The following CELA2B variants were observed in gnomAD, a reference collection of about 807,000 sequenced individuals.
CELA2B encodes chymotrypsin-like elastase family member 2B.
CELA2B carries 27 observed loss-of-function variants against 36.5 expected under a neutral mutation model. The ratio of observed to expected loss-of-function variants is 0.74; its 90% confidence interval spans 0.55 to 1.02. The LOEUF is 1.02. Ranked by LOEUF, CELA2B falls within the 50% of genes least tolerant of loss-of-function variation. The pLI, the probability that CELA2B is intolerant of heterozygous loss-of-function variation, is 0.00. For synonymous variants in CELA2B, 143 were observed against 148.5 expected, an observed-to-expected ratio of 0.96 and a Z score of 0.27; for missense variants, 340 against 347.8, an observed-to-expected ratio of 0.98 and a Z score of 0.18.
intron 7 of CELA2B, among the ~76,000 whole-genome samples, chr1:15,490,230 A>ATCTATCTG (rs1708862261): frequency 7.3e-6 from 1 of 136,654 alleles, no homozygotes; most frequent in African/African-American, 2.9e-5. Context: ...ATATCTATCT[A>ATCTATCTG]TCTATCTATC....
intron 7 of CELA2B, 118 bp downstream of exon 7, chr1:15,487,555 C>G (rs1411675316): frequency 1.4e-6 from 2 of 1,382,600 alleles, no homozygotes; most frequent in African/African-American, 2.9e-5. Context: ...TAGATGGGAA[C>G]CCCTTGGAGG....
intron 2 of CELA2B, among the ~76,000 whole-genome samples, chr1:15,479,504 C>T (rs1708715813): frequency 6.6e-6 from 1 of 152,170 alleles, no homozygotes; most frequent in Non-Finnish European, 1.5e-5. Flanking sequence ...CAATATCGTG[C>T]CACTGCACTC....
chr1:15,486,171 G>C, intron 6 of CELA2B, 125 bp downstream of exon 6: 1 of 1,237,066 alleles, frequency 8.1e-7, no homozygotes, highest in Non-Finnish European at 1.1e-6. Context: ...CCCGGAAATG[G>C]TACCAGATAT....
At chr1:15,480,719 TG>T (rs1708729729) in intron 2 of CELA2B, among the ~76,000 whole-genome samples, 1 of 151,934 alleles carries the variant, frequency 6.6e-6, no homozygotes, top group Non-Finnish European at 1.5e-5. Context: ...CCCCTACCTA[TG>T]GGGATTATGG....
intron 3 of CELA2B, 95 bp downstream of exon 3, chr1:15,481,290 A>C: frequency 7.0e-7 from 1 of 1,432,778 alleles, no homozygotes; most frequent in Non-Finnish European, 9.8e-7. Context: ...TACATGAAGT[A>C]ACCTTGCAAA....
rs1557523207 is a variant in CELA2B at position 15,478,230 on chromosome 1, T to TATATATATATATATATATA, written c.129+1685_129+1686insATATATATATATATATATA. 4.1e-5 allele frequency among the ~76,000 whole-genome samples: 6 copies of TATATATATATATATATATA among 147,636 alleles called. No homozygotes were observed. In the East Asian group the frequency reaches 1.2e-3, roughly 29 times the overall value. On this transcript the variant is annotated intron_variant, in intron 2 of 7. Transcript: ENST00000375910. The stretch of plus-strand genomic sequence containing the variant: ...TATATATATATATTGGGATATATAG[T>TATATATATATATATATATA]TTGTTTGTTTGTTTGTTTTTGTTTT...
intron 5 of CELA2B, among the ~76,000 whole-genome samples, chr1:15,484,095 G>A (rs186466829): frequency 5.5e-4 from 83 of 152,292 alleles, no homozygotes; most frequent in African/African-American, 1.9e-3. Context: ...CATCTTCTGT[G>A]TGGCCCAAGG....
chr1:15,483,278 T>C lies in CELA2B; in HGVS notation c.371T>C (p.Leu124Pro), dbSNP rs758253187. The C allele has an allele frequency of 4.3e-6, 7 of 1,613,820 alleles. No individual in the cohort carries two copies. In the Admixed American group the frequency reaches 8.3e-5, roughly 19 times the overall value. Residue 124 changes from leucine to proline, a missense_variant, in exon 5 of 8, where the codon CTG (leucine) becomes CCG (proline). By Grantham distance (98) the Leu-to-Pro change is moderately conservative (BLOSUM62 -3). Transcript: ENST00000375910. ...DQVSKGNDIA[L>P]LKLANPVSLT... ...CACTCACCCAGGAACGACATTGCCC[T>C]GCTCAAACTGGCTAACCCCGTCTCC...
intron 7 of CELA2B, among the ~76,000 whole-genome samples, chr1:15,490,261 T>TAC (rs1441073810): frequency 1.5e-4 from 21 of 140,702 alleles, no homozygotes; most frequent in Middle Eastern, 3.6e-3. Flanking sequence ...TCTATCTATA[T>TAC]ACACACACAC....
Position 15,489,487 on chromosome 1 carries a change from G to A in CELA2B, c.793-1808G>A, listed in dbSNP as rs375692117. Reference sequence around the variant, plus strand: ...GGCTGCCCCTGGCAGCGGCAGAGGGGCTAGTGAAACCTTGAAGTGGCCCCA... The same window carrying A: ...GGCTGCCCCTGGCAGCGGCAGAGGGACTAGTGAAACCTTGAAGTGGCCCCA... On this transcript the variant is annotated intron_variant, in intron 7 of 7. Coordinates refer to ENST00000375910, the MANE Select transcript of CELA2B (RefSeq NM_015849.3). Among the ~76,000 whole-genome samples the A allele has an allele frequency of 2.2e-4, 34 of 152,342 alleles. No individual in the cohort carries two copies. The East Asian group carries it at 6.0e-3, about 27-fold the overall frequency.
At chr1:15,491,026 G>C (rs2103318063) in intron 7 of CELA2B, 2 of 423,598 alleles carry the variant, frequency 4.7e-6, no homozygotes, top group Middle Eastern at 1.3e-3. Flanking sequence ...TAATTTTTAG[G>C]GGGTTCGAAG....
chr1:15,476,373 T>A, intron 1 of CELA2B, 84 bp from the exon 2 acceptor site: 1 of 1,469,480 alleles, frequency 6.8e-7, no homozygotes, highest in Non-Finnish European at 9.5e-7. Context: ...GGGTTTTCTA[T>A]TTGGGGGTTC....
rs187489432 is a variant in CELA2B at position 15,485,558 on chromosome 1, T to C, written c.494-343T>C. 2.1e-4 allele frequency among the ~76,000 whole-genome samples: 32 copies of C among 152,376 alleles called. No homozygotes were observed. The East Asian group carries it at 5.8e-3, about 28-fold the overall frequency. The stretch of plus-strand genomic sequence containing the variant: ...ACACTCACTGAGAAATTTCTTTCTT[T>C]GTGGGTCTACTTCATTCTTCTGCAC... On this transcript the variant is annotated intron_variant, in intron 5 of 7. Coordinates refer to ENST00000375910, the MANE Select transcript of CELA2B (RefSeq NM_015849.3).
chr1:15,483,610 A>T (rs564681102), intron 5 of CELA2B, among the ~76,000 whole-genome samples: 3 of 152,326 alleles, frequency 2.0e-5, no homozygotes, highest in East Asian at 3.9e-4. Context: ...GGTCTCTCCA[A>T]GCTGCACTTT....
chr1:15,490,669 A>T (rs1368837590), intron 7 of CELA2B, among the ~76,000 whole-genome samples: 2 of 152,086 alleles, frequency 1.3e-5, no homozygotes, highest in South Asian at 2.1e-4. Flanking sequence ...GCAGTTCGAG[A>T]CCAGCCTGGC....
intron 4 of CELA2B, among the ~76,000 whole-genome samples, 177 bp from the exon 5 acceptor site, chr1:15,483,087 A>G (rs1248407580): frequency 1.3e-5 from 2 of 152,130 alleles, no homozygotes; most frequent in African/African-American, 4.8e-5. Flanking sequence ...GGCTGGCATT[A>G]CAGGCCACCG....
intron 7 of CELA2B, among the ~76,000 whole-genome samples, chr1:15,489,217 G>A (rs566910583): frequency 4.6e-5 from 7 of 151,298 alleles, no homozygotes; most frequent in African/African-American, 1.4e-4. Context: ...CAATTGTCCC[G>A]ATCTGTTGTC....
chr1:15,487,091 C>G (rs1172166537), intron 6 of CELA2B, among the ~76,000 whole-genome samples, 194 bp from the exon 7 acceptor site: 2 of 152,234 alleles, frequency 1.3e-5, no homozygotes, highest in African/African-American at 4.8e-5. Context: ...ATAGAACATG[C>G]TTAGCTCAGC....
chr1:15,484,197 T>C (rs1030063877), intron 5 of CELA2B, among the ~76,000 whole-genome samples: 1 of 152,078 alleles, frequency 6.6e-6, no homozygotes, highest in African/African-American at 2.4e-5. Context: ...CCATGCCCCA[T>C]AGCAAAAGCT....
Sources: gnomAD v4.1 joint callset for allele counts (sites outside exome capture counted in the v4.1 genomes callset) on GRCh38, gnomAD v4.1.1 for gene constraint, MANE v1.5 for transcripts, NCBI Gene and HGNC (gene_info 2026-07-23, HGNC 2026-07-21) for gene names.